GALNT13: variants seen among roughly 807,000 people sequenced by gnomAD.
GALNT13 encodes polypeptide N-acetylgalactosaminyltransferase 13.
Under a neutral mutation model 64.2 loss-of-function variants are expected in GALNT13, and 28 were observed. The observed-to-expected ratio is 0.44, with a 90% CI of 0.32 to 0.60. GALNT13 has a LOEUF of 0.60. Ranked by LOEUF, GALNT13 falls within the 20% of genes least tolerant of loss-of-function variation. The pLI is 0.05. For missense variants in GALNT13, 577 were observed against 669.8 expected, an observed-to-expected ratio of 0.86 and a Z score of 1.53; for synonymous variants, 214 against 224.6, an observed-to-expected ratio of 0.95 and a Z score of 0.42.
the GALNT13 span, among the ~76,000 whole-genome samples, chr2:153,507,778 T>G: frequency 6.6e-6 from 1 of 152,196 alleles, no homozygotes; most frequent in Non-Finnish European, 1.5e-5. Context: ...TTATTCTAGT[T>G]CCTTCTCATT....
At chr2:153,151,677 G>C in the GALNT13 span, among the ~76,000 whole-genome samples, 16 of 152,242 alleles carry the variant, frequency 1.1e-4, no homozygotes, top group East Asian at 2.5e-3. Context: ...CATGTCCTCT[G>C]TAGGGATGTG....
chr2:154,140,229 C>A, intron 3 of GALNT13, 108 bp from the exon 4 acceptor site: 2 of 746,698 alleles, frequency 2.7e-6, no homozygotes, highest in Non-Finnish European at 4.3e-6. Context: ...ATTATAAAAC[C>A]TGTATGTAAA....
At chr2:153,656,186 G>A in the GALNT13 span, among the ~76,000 whole-genome samples, 1 of 152,088 alleles carries the variant, frequency 6.6e-6, no homozygotes, top group African/African-American at 2.4e-5. Context: ...TATAGAAGAT[G>A]TTCTGTCAGA....
At chr2:154,173,073 A>C (rs1481353906) in intron 4 of GALNT13, among the ~76,000 whole-genome samples, 3 of 152,096 alleles carry the variant, frequency 2.0e-5, no homozygotes, top group African/African-American at 2.4e-5. Flanking sequence ...CTTGACTTCA[A>C]AAGTTACTGC....
chr2:154,182,996 T>C (rs1686046785), intron 4 of GALNT13, among the ~76,000 whole-genome samples: 2 of 152,280 alleles, frequency 1.3e-5, no homozygotes, highest in East Asian at 3.9e-4. Flanking sequence ...TTTCTTTTCC[T>C]GTAGTATCAT....
At chr2:153,999,458 A>G (rs536185040) in intron 3 of GALNT13, among the ~76,000 whole-genome samples, 1 of 152,168 alleles carries the variant, frequency 6.6e-6, no homozygotes, top group African/African-American at 2.4e-5. Flanking sequence ...GGTTTATCAT[A>G]TAAGGCCCTT....
intron 4 of GALNT13, among the ~76,000 whole-genome samples, chr2:154,223,665 G>A (rs1417303318): frequency 6.6e-6 from 1 of 151,628 alleles, no homozygotes; most frequent in East Asian, 1.9e-4. Context: ...TGGTCAGACT[G>A]GTCTCGAATA....
intron 8 of GALNT13, among the ~76,000 whole-genome samples, chr2:154,295,022 C>T (rs1261515542): frequency 6.6e-6 from 1 of 152,056 alleles, no homozygotes; most frequent in African/African-American, 2.4e-5. Context: ...CTGATATTGG[C>T]AGAGAACCAA....
At chr2:153,658,280 T>C in the GALNT13 span, among the ~76,000 whole-genome samples, 5 of 152,182 alleles carry the variant, frequency 3.3e-5, no homozygotes, top group African/African-American at 1.2e-4. Context: ...TTCTATTCAT[T>C]GTTCAAAGCC....
chr2:154,443,058 G>A (rs1429627874), intron 12 of GALNT13, among the ~76,000 whole-genome samples: 9 of 151,994 alleles, frequency 5.9e-5, no homozygotes, highest in Non-Finnish European at 1.3e-4. Flanking sequence ...AGGTAAATGG[G>A]ATTATAATTT....
intron 3 of GALNT13, among the ~76,000 whole-genome samples, chr2:154,087,708 T>A (rs1232117112): frequency 6.6e-6 from 1 of 152,114 alleles, no homozygotes; most frequent in African/African-American, 2.4e-5. Flanking sequence ...CAAGCAATGA[T>A]GTCATTATAT....
At chr2:153,630,159 A>G in the GALNT13 span, among the ~76,000 whole-genome samples, 1 of 151,884 alleles carries the variant, frequency 6.6e-6, no homozygotes, top group Non-Finnish European at 1.5e-5. Context: ...TATATACCCA[A>G]AGGATTATAA....
intron 9 of GALNT13, among the ~76,000 whole-genome samples, chr2:154,372,506 G>A (rs1697754432): frequency 6.6e-6 from 1 of 151,956 alleles, no homozygotes; most frequent in Non-Finnish European, 1.5e-5. Context: ...AATAATACTT[G>A]CACACAGATA....
chr2:153,229,386 T>C, the GALNT13 span, among the ~76,000 whole-genome samples: 1 of 152,194 alleles, frequency 6.6e-6, no homozygotes, highest in Non-Finnish European at 1.5e-5. Context: ...CAAAGGATCT[T>C]ATCCTTTAGT....
chr2:153,244,992 A>AGT, the GALNT13 span, among the ~76,000 whole-genome samples: 4 of 152,226 alleles, frequency 2.6e-5, no homozygotes, highest in African/African-American at 9.6e-5. Context: ...TTCCCCTGAC[A>AGT]GTGCTAAGGA....
the GALNT13 span, among the ~76,000 whole-genome samples, chr2:153,377,591 T>A: frequency 6.6e-6 from 1 of 152,140 alleles, no homozygotes. Flanking sequence ...ACACCTCGGC[T>A]TGCCTTTGAT....
chr2:153,676,342 T>A, the GALNT13 span, among the ~76,000 whole-genome samples: 1 of 151,954 alleles, frequency 6.6e-6, no homozygotes, highest in African/African-American at 2.4e-5. Context: ...AGCAGACCAA[T>A]AATGAGCTCC....
chr2:154,256,002 C>T (rs1212688856), intron 7 of GALNT13, among the ~76,000 whole-genome samples: 9 of 151,712 alleles, frequency 5.9e-5, no homozygotes, highest in Admixed American at 3.9e-4. Flanking sequence ...GCAGGGAAAT[C>T]TGATTGCACC....
chr2:154,193,572 G>C lies in GALNT13; in HGVS notation c.312-48458G>C, dbSNP rs112263445. On this transcript the variant is annotated intron_variant, in intron 4 of 12. Transcript: ENST00000392825. ...TACCTCCAGATTCCTGGCCTGATCAGTGACAGCCTTGTCCTGACAGAGGCT... is the reference window on the plus strand; with the variant it reads ...TACCTCCAGATTCCTGGCCTGATCACTGACAGCCTTGTCCTGACAGAGGCT... 4.1e-3 allele frequency among the ~76,000 whole-genome samples: 630 copies of C among 152,292 alleles called. 9 individuals carry two copies. The highest frequency in any genetic ancestry group is 0.014 in the African/African-American group (597 of 41,556).
Sources: allele counts gnomAD v4.1 joint callset (sites outside exome capture counted in the v4.1 genomes callset), GRCh38; gene constraint gnomAD v4.1.1; transcripts MANE v1.5; gene names NCBI Gene and HGNC (gene_info 2026-07-23, HGNC 2026-07-21).